RBFOX1: variants seen among roughly 807,000 people sequenced by gnomAD.
RBFOX1 encodes the protein RNA binding fox-1 homolog 1, also known as RNA binding protein fox-1 homolog 1.
RBFOX1 carries 8 observed loss-of-function variants against 57.7 expected under a neutral mutation model. The observed-to-expected ratio is 0.14, with a 90% CI of 0.08 to 0.25. The LOEUF is 0.25. RBFOX1 is among the 10% of genes least tolerant of loss of function. The pLI is 1.00. For synonymous variants in RBFOX1, 326 were observed against 222.4 expected, an observed-to-expected ratio of 1.47 and a Z score of -4.15; for missense variants, 611 against 548.5, an observed-to-expected ratio of 1.11 and a Z score of -1.14.
At chr16:6,414,594 A>T (rs190746037) in intron 2 of RBFOX1, among the ~76,000 whole-genome samples, 1 of 152,332 alleles carries the variant, frequency 6.6e-6, no homozygotes, top group African/African-American at 2.4e-5. Context: ...AAGGGGTCTC[A>T]TTCGATTCAA....
intron 2 of RBFOX1, among the ~76,000 whole-genome samples, chr16:6,391,509 CAA>C (rs538935947): frequency 1.4e-4 from 11 of 78,272 alleles, no homozygotes; most frequent in Non-Finnish European, 1.4e-4. Flanking sequence ...GACTCCGTCT[CAA>C]AAAAAAAAAA....
At chr16:6,773,803 A>T (rs1457358612) in intron 3 of RBFOX1, 2 of 169,928 alleles carry the variant, frequency 1.2e-5, no homozygotes, top group African/African-American at 3.3e-5. Flanking sequence ...TATGTGTGGG[A>T]GTTTGGTGCA....
intron 3 of RBFOX1, among the ~76,000 whole-genome samples, chr16:6,884,199 G>C (rs1603636389): frequency 1.3e-5 from 2 of 152,284 alleles, no homozygotes; most frequent in East Asian, 3.9e-4. Flanking sequence ...CATGCTTCCT[G>C]GCTCATGTGC....
chr16:5,454,922 T>TTC (rs2068561745), intron 1 of RBFOX1, among the ~76,000 whole-genome samples: 1 of 56,858 alleles, frequency 1.8e-5, no homozygotes, highest in Non-Finnish European at 3.6e-5. Context: ...TTCCTTTGTT[T>TTC]CTTTCTTCCT....
intron 10 of RBFOX1, among the ~76,000 whole-genome samples, chr16:7,615,831 G>A (rs748472662): frequency 3.9e-5 from 6 of 152,200 alleles, no homozygotes; most frequent in South Asian, 2.1e-4. Context: ...ACCACAAATC[G>A]TTATCTGGCC....
chr16:7,595,699 A>C, intron 8 of RBFOX1, 58 bp downstream of exon 8: 2 of 1,430,458 alleles, frequency 1.4e-6, no homozygotes, highest in East Asian at 5.1e-5. Context: ...CTTCACGCTC[A>C]TTCGTTGTTC....
intron 1 of RBFOX1, among the ~76,000 whole-genome samples, chr16:5,384,944 T>A (rs1265506232): frequency 3.9e-5 from 6 of 152,220 alleles, no homozygotes; most frequent in Admixed American, 3.3e-4. Context: ...ATGTGGCTCA[T>A]CTAACTGTTG....
At chr16:5,522,927 A>T (rs901620645) in intron 2 of RBFOX1, among the ~76,000 whole-genome samples, 3 of 152,082 alleles carry the variant, frequency 2.0e-5, no homozygotes, top group Non-Finnish European at 4.4e-5. Flanking sequence ...CACATTTTCT[A>T]TATTCATCCA....
intron 3 of RBFOX1, among the ~76,000 whole-genome samples, chr16:5,753,896 A>G (rs898816808): frequency 6.6e-6 from 1 of 151,840 alleles, no homozygotes; most frequent in African/African-American, 2.4e-5. Context: ...TAAACCCTAC[A>G]GAAAAGCAGG....
intron 4 of RBFOX1, among the ~76,000 whole-genome samples, chr16:7,411,902 C>T (rs1450264563): frequency 2.1e-5 from 2 of 95,394 alleles, no homozygotes; most frequent in East Asian, 3.9e-4. Context: ...AAACTCCTTT[C>T]AAAAAAAAAA....
At chr16:6,172,301 G>T (rs535953680) in intron 1 of RBFOX1, among the ~76,000 whole-genome samples, 3 of 151,808 alleles carry the variant, frequency 2.0e-5, no homozygotes, top group Non-Finnish European at 4.4e-5. Context: ...CTCATCTTCT[G>T]CAAGTTGCTC....
At chr16:6,785,657 T>C (rs1318112796) in intron 3 of RBFOX1, among the ~76,000 whole-genome samples, 1 of 152,186 alleles carries the variant, frequency 6.6e-6, no homozygotes, top group Non-Finnish European at 1.5e-5. Flanking sequence ...TAATATTTAT[T>C]TCCACGTTCC....
chr16:5,398,327 ATG>A (rs1173645356), intron 1 of RBFOX1, among the ~76,000 whole-genome samples: 2 of 151,074 alleles, frequency 1.3e-5, no homozygotes, highest in Non-Finnish European at 3.0e-5. Flanking sequence ...TCGTGTGCAT[ATG>A]TGTTCATGTG....
chr16:6,388,763 A>G (rs1490076368), intron 2 of RBFOX1, among the ~76,000 whole-genome samples: 1 of 152,178 alleles, frequency 6.6e-6, no homozygotes, highest in Non-Finnish European at 1.5e-5. Context: ...AACAAAAAGG[A>G]AATTCCATCA....
rs904295719 is a variant in RBFOX1, at chr16:6,853,179, A to C, written c.-16+198529A>C. Among the ~76,000 whole-genome samples, 12 of 152,138 alleles carry C rather than the reference A, an allele frequency of 7.9e-5. No individual in the cohort carries two copies. The East Asian group carries it at 2.3e-3, about 29-fold the overall frequency. ...TGAGCCTGAGTTTCCTCCTTTGTAA[A>C]AGGAGACTAATACTGGTGTTTACCC... is the stretch of plus-strand genomic sequence containing the variant. On this transcript the variant is annotated intron_variant, in intron 3 of 15. Transcript: ENST00000550418.
chr16:6,624,683 C>G (rs1167790034), intron 2 of RBFOX1, among the ~76,000 whole-genome samples: 1 of 151,944 alleles, frequency 6.6e-6, no homozygotes, highest in Non-Finnish European at 1.5e-5. Flanking sequence ...CTTGAGGTCA[C>G]CAGAAACTCC....
intron 2 of RBFOX1, among the ~76,000 whole-genome samples, chr16:5,537,956 T>C (rs931296461): frequency 1.3e-5 from 2 of 152,196 alleles, no homozygotes; most frequent in African/African-American, 2.4e-5. Context: ...TACACATTTT[T>C]CCCACACTCA....
intron 3 of RBFOX1, among the ~76,000 whole-genome samples, chr16:6,969,382 A>G (rs1267244666): frequency 6.6e-6 from 1 of 151,884 alleles, no homozygotes; most frequent in Non-Finnish European, 1.5e-5. Context: ...AAAAATTTGG[A>G]TATTTTGTTC....
chr16:7,600,516 G>A (rs1417318327), intron 9 of RBFOX1, among the ~76,000 whole-genome samples: 1 of 152,044 alleles, frequency 6.6e-6, no homozygotes, highest in Non-Finnish European at 1.5e-5. Flanking sequence ...GGGTAAGTCG[G>A]GACCAATAAA....
Sources: gnomAD v4.1 joint callset for allele counts (sites outside exome capture counted in the v4.1 genomes callset) on GRCh38, gnomAD v4.1.1 for gene constraint, MANE v1.5 for transcripts, NCBI Gene and HGNC (gene_info 2026-07-23, HGNC 2026-07-21) for gene names.